SMAD9: variants seen among roughly 807,000 people sequenced by gnomAD.
The protein encoded by SMAD9 is SMAD family member 9, also known as MAD homolog 9.
In SMAD9, 36 loss-of-function variants were observed where a neutral mutation model predicts 46.1. The ratio of observed to expected loss-of-function variants is 0.78; its 90% CI spans 0.60 to 1.03. The LOEUF is 1.03. SMAD9 is among the 50% of genes least tolerant of loss of function. SMAD9 has a pLI of 0.00. For missense variants in SMAD9, 572 were observed against 599.8 expected, an observed-to-expected ratio of 0.95 and a Z score of 0.48; for synonymous variants, 245 against 237.1, an observed-to-expected ratio of 1.03 and a Z score of -0.31.
Position 36,916,542 on chromosome 13 carries a change from G to T in SMAD9, c.-187+3574C>A, listed in dbSNP as rs191384276. ...CTTTTACAGACTTTATTTCAGGAGG[G>T]ACCATGGGTTCAGTGAAAAAATGTG... On this transcript the variant is annotated intron_variant, in intron 1 of 6. Coordinates refer to ENST00000379826, the MANE Select transcript of SMAD9 (RefSeq NM_001127217.3). Among the ~76,000 whole-genome samples the T allele has an allele frequency of 2.9e-5, 4 of 139,596 alleles. No homozygotes were observed. The East Asian group carries it at 8.1e-4, about 28-fold the overall frequency. The allele number at this position is 139,596 out of a possible 152,430, so 91.6% of individuals were successfully genotyped here.
chr13:36,879,709 C>T lies in SMAD9; in HGVS notation c.-20G>A, dbSNP rs764725186. The T allele has an allele frequency of 1.4e-5, 22 of 1,612,892 alleles. No homozygotes were observed. The highest frequency in any genetic ancestry group is 1.8e-5 in the Non-Finnish European group (21 of 1,180,020). On this transcript the variant is annotated 5_prime_UTR_variant, in exon 2 of 7. Coordinates refer to ENST00000379826, the MANE Select transcript of SMAD9 (RefSeq NM_001127217.3). ...GTGCATAAGAGGCCACAGCAGGCTC[C>T]GGCGCGCACGGGAACCGCACAGCCC...
chr13:36,907,097 C>T (rs193095559), intron 1 of SMAD9, among the ~76,000 whole-genome samples: 1 of 152,084 alleles, frequency 6.6e-6, no homozygotes, highest in Non-Finnish European at 1.5e-5. Context: ...TGTGGATGAA[C>T]CTTCAAAAGA....
chr13:36,862,639 G>A (rs2058193602), intron 5 of SMAD9, among the ~76,000 whole-genome samples: 2 of 152,208 alleles, frequency 1.3e-5, no homozygotes, highest in South Asian at 4.1e-4. Flanking sequence ...AACAGCCCAT[G>A]CTGCTGCTCT....
intron 1 of SMAD9, among the ~76,000 whole-genome samples, chr13:36,917,652 G>A (rs971476643): frequency 6.6e-6 from 1 of 152,134 alleles, no homozygotes; most frequent in African/African-American, 2.4e-5. Context: ...TGGCAAATCA[G>A]AAAAACCACA....
intron 6 of SMAD9, chr13:36,849,443 TTC>T (rs2058057530): frequency 6.6e-6 from 1 of 152,358 alleles, no homozygotes; most frequent in Non-Finnish European, 1.5e-5. Flanking sequence ...AGTAAATCAG[TTC>T]TGTGACTGGG....
chr13:36,850,535 C>T (rs1280941210), intron 6 of SMAD9, among the ~76,000 whole-genome samples: 7 of 152,130 alleles, frequency 4.6e-5, no homozygotes, highest in East Asian at 3.9e-4. Context: ...CGCGCCACCA[C>T]GCCTGGCTAA....
At chr13:36,886,935 T>C (rs2058450205) in intron 1 of SMAD9, among the ~76,000 whole-genome samples, 2 of 150,900 alleles carry the variant, frequency 1.3e-5, no homozygotes, top group Non-Finnish European at 2.9e-5. Flanking sequence ...AGGGTGTGAG[T>C]GGCTGGAAGT....
chr13:36,868,593 C>T (rs4941849), intron 3 of SMAD9, among the ~76,000 whole-genome samples: 23,306 of 151,960 alleles, frequency 0.15, 2,636 homozygotes, highest in East Asian at 0.39. Flanking sequence ...TAAAAATTAG[C>T]TGGGCATGGT....
At chr13:36,875,953 T>A (rs1194932356) in intron 2 of SMAD9, among the ~76,000 whole-genome samples, 1 of 152,216 alleles carries the variant, frequency 6.6e-6, no homozygotes, top group Non-Finnish European at 1.5e-5. Context: ...CAAAGAAAAC[T>A]GATAGTTTCA....
intron 1 of SMAD9, among the ~76,000 whole-genome samples, chr13:36,896,490 C>A (rs1039519305): frequency 6.6e-6 from 1 of 152,006 alleles, no homozygotes; most frequent in African/African-American, 2.4e-5. Flanking sequence ...TCTTCTTGAT[C>A]TCCCTCCAGA....
rs144122576 is a variant in SMAD9, at chr13:36,901,811, A to G, written c.-187+18305T>C. Among the ~76,000 whole-genome samples the G allele has an allele frequency of 3.9e-4, 60 of 152,340 alleles. No individual in the cohort carries two copies. The East Asian group carries it at 5.4e-3, about 14-fold the overall frequency. On this transcript the variant is annotated intron_variant, in intron 1 of 6. Transcript: ENST00000379826. ...CCATTTGTATGTCTTCTTTGGAAAAATATCTATTCAAGTCCCTTGCCCACT... is the reference window on the plus strand; with the variant it reads ...CCATTTGTATGTCTTCTTTGGAAAAGTATCTATTCAAGTCCCTTGCCCACT...
chr13:36,900,726 CAT>C (rs71084454), intron 1 of SMAD9, among the ~76,000 whole-genome samples: 3,771 of 136,130 alleles, frequency 0.028, 57 homozygotes, highest in Non-Finnish European at 0.043. Flanking sequence ...CACACACACA[CAT>C]AAATGTAAAT....
intron 5 of SMAD9, among the ~76,000 whole-genome samples, chr13:36,856,958 A>C (rs1306077542): frequency 1.3e-5 from 2 of 151,706 alleles, no homozygotes; most frequent in Non-Finnish European, 2.9e-5. Context: ...GCCTGCCACC[A>C]CACCTGGCTA....
intron 1 of SMAD9, among the ~76,000 whole-genome samples, chr13:36,900,223 T>A (rs186802435): frequency 6.6e-6 from 1 of 152,308 alleles, no homozygotes; most frequent in East Asian, 1.9e-4. Context: ...GCTGCTGCCC[T>A]CATCTGCTTT....
chr13:36,849,220 G>A (rs2058055689), intron 6 of SMAD9: 1 of 178,642 alleles, frequency 5.6e-6, no homozygotes, highest in Non-Finnish European at 1.2e-5. Context: ...AAGTGGTAAA[G>A]ACAGAACTGG....
intron 1 of SMAD9, among the ~76,000 whole-genome samples, chr13:36,900,633 T>C (rs2058566539): frequency 6.6e-6 from 1 of 151,116 alleles, no homozygotes; most frequent in African/African-American, 2.4e-5. Context: ...TATCAACCTT[T>C]CCTGATTTAT....
At chr13:36,852,199 GATA>G (rs1220993563) in intron 6 of SMAD9, 5 of 844,810 alleles carry the variant, frequency 5.9e-6, no homozygotes, top group Non-Finnish European at 2.8e-6. Flanking sequence ...TTACTAAAGT[GATA>G]ATAAAAACAT....
intron 1 of SMAD9, among the ~76,000 whole-genome samples, chr13:36,914,443 C>T (rs2058683773): frequency 6.6e-6 from 1 of 152,170 alleles, no homozygotes. Context: ...GGCATGAACC[C>T]GGGAGGTGGA....
intron 5 of SMAD9, among the ~76,000 whole-genome samples, chr13:36,860,038 A>G (rs2058165324): frequency 6.6e-6 from 1 of 152,128 alleles, no homozygotes; most frequent in African/African-American, 2.4e-5. Context: ...TGCTTTGTCC[A>G]TGGAGCAGCC....
Sources: gnomAD v4.1 joint callset for allele counts (sites outside exome capture counted in the v4.1 genomes callset) on GRCh38, gnomAD v4.1.1 for gene constraint, MANE v1.5 for transcripts, NCBI Gene and HGNC (gene_info 2026-07-23, HGNC 2026-07-21) for gene names.